Variants in SMARCA2 observed in about 807,000 individuals in gnomAD.
SMARCA2 encodes the protein SWI/SNF related BAF chromatin remodeling complex subunit ATPase 2.
In SMARCA2, 61 loss-of-function variants were observed where a neutral mutation model predicts 199.8. That is an observed-to-expected ratio of 0.31 (90% CI 0.25 to 0.38). The LOEUF is 0.38. Among genes scored for constraint, SMARCA2 ranks in the 10% least tolerant of loss-of-function variants. The pLI, the probability that SMARCA2 is intolerant of heterozygous loss-of-function variation, is 1.00. For missense variants in SMARCA2, 1,344 were observed against 2,012.2 expected (o/e 0.67, Z 6.35); for synonymous variants, 935 against 732.0 (o/e 1.28, Z -4.48).
At position 2,104,160 on chromosome 9, in the gene SMARCA2, C is replaced by T; in HGVS notation, c.3283C>T (p.Arg1095Cys). ...TGCTTTTCGGAACTTCCTTTACCTA[C>T]GCCTTGATGGTAAGTGCATAAGGCA... ...YFAFRNFLYL[R>C]LDGTTKSEDR... The change falls in exon 23 of 34, where the codon CGC (arginine) becomes TGC (cysteine). Residue 1095 changes from arginine (R) to cysteine (C), a missense_variant. Physicochemically the swap from Arg to Cys is radical, Grantham distance 180. This residue lies in a region of SMARCA2 where 98 missense variants were observed against 245.6 expected (regional missense o/e 0.40). Coordinates refer to ENST00000349721, the MANE Select transcript of SMARCA2 (RefSeq NM_003070.5). The surrounding 1 kb of genome is among the most constrained non-coding windows in gnomAD (Gnocchi z 4.0). 1 of 1,613,682 alleles carries T rather than the reference C, an allele frequency of 6.2e-7. No homozygotes were observed. The highest frequency in any genetic ancestry group is 8.5e-7 in the Non-Finnish European group (1 of 1,179,754).
intron 20 of SMARCA2, 103 bp from the exon 21 acceptor site, chr9:2,097,282 C>T (rs1232934946): frequency 9.7e-6 from 7 of 719,076 alleles, no homozygotes; most frequent in Non-Finnish European, 1.2e-5. Context: ...ACTGAAAAAA[C>T]CTATGGTCCT....
At chr9:2,191,698 T>C (rs1336155737) in intron 33 of SMARCA2, 1 of 259,070 alleles carries the variant, frequency 3.9e-6, no homozygotes, top group Non-Finnish European at 7.4e-6. Context: ...ATAAATATGG[T>C]TTTCCCCGTA....
At position 2,170,485 on chromosome 9, in the gene SMARCA2, C is replaced by G. The variant is rs540464756; in HGVS notation, c.4253+13C>G. On this transcript the variant is annotated intron_variant, in intron 29 of 33. Transcript: ENST00000349721. The surrounding 1 kb of genome is among the most constrained non-coding windows in gnomAD (Gnocchi z 4.7). ...TAGAAGGAAACAGGTCAGGATCTGT[C>G]TTGTATTCCCCTATCTCTAAATACA... 2.5e-6 allele frequency: 4 copies of G among 1,614,058 alleles called. No homozygotes were observed. The highest frequency in any genetic ancestry group is 3.4e-6 in the Non-Finnish European group (4 of 1,179,940).
chr9:2,052,211 T>C (rs997525245), intron 5 of SMARCA2, among the ~76,000 whole-genome samples: 4 of 152,258 alleles, frequency 2.6e-5, no homozygotes, highest in African/African-American at 9.6e-5. Context: ...TGGTGGCTCA[T>C]GCCTGTAATC....
At chr9:2,153,224 A>C (rs367549131) in intron 27 of SMARCA2, among the ~76,000 whole-genome samples, 81 of 152,318 alleles carry the variant, frequency 5.3e-4, no homozygotes, top group African/African-American at 1.9e-3. Flanking sequence ...TGACAAGGAG[A>C]AGAAAAGCAC....
intron 27 of SMARCA2, among the ~76,000 whole-genome samples, chr9:2,149,096 A>C (rs1197309110): frequency 6.6e-6 from 1 of 151,142 alleles, no homozygotes; most frequent in Non-Finnish European, 1.5e-5. Flanking sequence ...CATACCTGAG[A>C]CTGGGAAGAA....
chr9:2,135,220 C>T (rs1326586298), intron 27 of SMARCA2, among the ~76,000 whole-genome samples: 4 of 152,206 alleles, frequency 2.6e-5, no homozygotes. Flanking sequence ...GATGACACAG[C>T]TCAAGAAAAG....
chr9:2,033,191 C>A, intron 3 of SMARCA2, 110 bp downstream of exon 3: 1 of 1,231,324 alleles, frequency 8.1e-7, no homozygotes, highest in Non-Finnish European at 1.1e-6. Context: ...GAAGGTTGAA[C>A]CTAGTAGGTT....
chr9:2,144,371 C>T (rs770652116), intron 27 of SMARCA2, among the ~76,000 whole-genome samples: 1 of 152,068 alleles, frequency 6.6e-6, no homozygotes, highest in Non-Finnish European at 1.5e-5. Context: ...TTCTTGTGTC[C>T]TTCGCTGGAT....
At chr9:2,153,204 G>T (rs953122222) in intron 27 of SMARCA2, among the ~76,000 whole-genome samples, 4 of 152,184 alleles carry the variant, frequency 2.6e-5, no homozygotes, top group Non-Finnish European at 2.9e-5. Context: ...ATTCTATATC[G>T]TAAGTTATTT....
chr9:2,192,445 C>A, intron 33 of SMARCA2: 1 of 472,774 alleles, frequency 2.1e-6, no homozygotes, highest in Non-Finnish European at 3.8e-6. Flanking sequence ...AGCCATAAAC[C>A]TTTCAAGCCA....
chr9:2,185,354 T>G lies in SMARCA2; in HGVS notation c.4462-742T>G, dbSNP rs192580000. Among the ~76,000 whole-genome samples, 459 of 152,358 alleles carry G rather than the reference T, an allele frequency of 3.0e-3. 3 individuals carry two copies. The highest frequency in any genetic ancestry group is 0.011 in the African/African-American group (446 of 41,578). On this transcript the variant is annotated intron_variant, in intron 31 of 33. Transcript: ENST00000349721. ...CTCCAGTTACAGGATTTCCTTCCTTTTTAAGACTGAATAATATTCCATTAA... is the reference window on the plus strand; with the variant it reads ...CTCCAGTTACAGGATTTCCTTCCTTGTTAAGACTGAATAATATTCCATTAA...
At position 2,036,401 on chromosome 9, in the gene SMARCA2, C is replaced by T. The variant is rs72687579; in HGVS notation, c.356-3065C>T. ...AAATCAAAGAAGATTCCAAAAAGAG[C>T]AGAATCTGCATCAACACTGTCATCC... On this transcript the variant is annotated intron_variant, in intron 3 of 33. Coordinates refer to ENST00000349721, the MANE Select transcript of SMARCA2 (RefSeq NM_003070.5). 8.7e-3 allele frequency among the ~76,000 whole-genome samples: 1,319 copies of T among 152,194 alleles called. 12 individuals are homozygous for T. Among genetic ancestry groups the T allele is most frequent in the Non-Finnish European group, 0.015 (1,017 of 68,002 alleles).
intron 27 of SMARCA2, chr9:2,159,483 A>G: frequency 4.5e-6 from 1 of 223,364 alleles, no homozygotes; most frequent in Non-Finnish European, 8.9e-6. Flanking sequence ...AATACCAAAA[A>G]AGCATACCTT....
At chr9:2,067,531 G>C (rs1056388500) in intron 9 of SMARCA2, among the ~76,000 whole-genome samples, 2 of 152,088 alleles carry the variant, frequency 1.3e-5, no homozygotes, top group Non-Finnish European at 2.9e-5. Context: ...TATATTACTT[G>C]TGACACTGGA....
intron 25 of SMARCA2, among the ~76,000 whole-genome samples, chr9:2,118,374 A>G (rs187135444): frequency 3.4e-4 from 52 of 152,344 alleles, no homozygotes; most frequent in African/African-American, 1.1e-3. Context: ...ATTCATTTCT[A>G]ACACTTATTA....
chr9:2,160,812 CTT>C (rs377563772), intron 27 of SMARCA2: 45 of 298,434 alleles, frequency 1.5e-4, no homozygotes, highest in South Asian at 8.0e-4. Context: ...ATTTTATGTT[CTT>C]TTTTTTTTTC....
chr9:2,062,767 AAG>A, intron 9 of SMARCA2, among the ~76,000 whole-genome samples: 1 of 152,156 alleles, frequency 6.6e-6, no homozygotes, highest in East Asian at 1.9e-4. Context: ...TGGTGAGGAA[AAG>A]CATCCTGCCT....
chr9:2,182,330 G>A, intron 31 of SMARCA2, 88 bp downstream of exon 31: 1 of 790,688 alleles, frequency 1.3e-6, no homozygotes, highest in Non-Finnish European at 2.1e-6. Flanking sequence ...TCTACCTCTT[G>A]AATCATTGCT....
Sources: gnomAD v4.1 joint callset for allele counts (sites outside exome capture counted in the v4.1 genomes callset) on GRCh38, gnomAD v4.1.1 for gene constraint, gnomAD v4.1.1 regional missense constraint, Gnocchi (gnomAD v3.1) non-coding constraint, MANE v1.5 for transcripts, NCBI Gene and HGNC (gene_info 2026-07-23, HGNC 2026-07-21) for gene names.